LTBP2: variants seen among roughly 807,000 people sequenced by gnomAD.
LTBP2 encodes the protein latent transforming growth factor beta binding protein 2.
Under a neutral mutation model 210.6 loss-of-function variants are expected in LTBP2, and 103 were observed. The ratio of observed to expected loss-of-function variants is 0.49; its 90% CI spans 0.42 to 0.58. The LOEUF is 0.58. LTBP2 is among the 20% of genes least tolerant of loss of function. The pLI is 0.00. For missense variants in LTBP2, 2,313 were observed against 2,494.5 expected (o/e 0.93, Z 1.55); for synonymous variants, 1,007 against 1,015.0 (o/e 0.99, Z 0.15).
chr14:74,606,723 C>T (rs1254083605), intron 1 of LTBP2, among the ~76,000 whole-genome samples: 1 of 152,140 alleles, frequency 6.6e-6, no homozygotes, highest in Non-Finnish European at 1.5e-5. Context: ...CCTGTAGTCC[C>T]AGCTACTCAC....
chr14:74,499,877 G>A lies in LTBP2; in HGVS notation c.*1007C>T. On this transcript the variant is annotated 3_prime_UTR_variant, in exon 36 of 36. Coordinates refer to ENST00000261978, the MANE Select transcript of LTBP2 (RefSeq NM_000428.3). ...CATCGTTTTCTGAAGGGAAAGGGCA[G>A]GGGTTTCTGAGTGGAGGGGAAAAAC... The A allele has an allele frequency of 4.3e-6, 1 of 231,238 alleles. No homozygotes were observed. Among genetic ancestry groups the A allele is most frequent in the East Asian group, 6.1e-5 (1 of 16,338 alleles). The allele number at this position is 231,238 out of a possible 1,614,324, so 14.3% of individuals were successfully genotyped here.
At chr14:74,551,024 C>A in intron 7 of LTBP2, 40 bp downstream of exon 7, 1 of 1,612,690 alleles carries the variant, frequency 6.2e-7, no homozygotes. Flanking sequence ...AACTGCCATC[C>A]TGGAAGCATC....
At chr14:74,579,246 C>T (rs1333245253) in intron 3 of LTBP2, among the ~76,000 whole-genome samples, 1 of 152,222 alleles carries the variant, frequency 6.6e-6, no homozygotes, top group African/African-American at 2.4e-5. Flanking sequence ...CGCACCTTTG[C>T]CCCTAGGAAG....
Position 74,535,949 on chromosome 14 carries a change from C to T in LTBP2, c.1841G>A (p.Arg614Lys). 1 of 1,614,224 alleles carries T rather than the reference C, an allele frequency of 6.2e-7. No individual in the cohort carries two copies. Residue 614 changes from arginine (R) to lysine (K), a missense_variant, in exon 9 of 36, where the codon AGA becomes AAA. This residue lies in a region of LTBP2 where 1,867 missense variants were observed against 1,976.9 expected (regional missense o/e 0.94). Coordinates refer to ENST00000261978, the MANE Select transcript of LTBP2 (RefSeq NM_000428.3). ...GQLECPQGYK[R>K]LNLTHCQDIN... The stretch of plus-strand genomic sequence containing the variant: ...ACCTTGGCAGTGAGTGAGGTTCAGT[C>T]TCTTGTACCCCTGAGGACACTCCAG...
Position 74,503,227 on chromosome 14 carries a change from C to G in LTBP2, c.4880G>C (p.Arg1627Thr). 1 of 1,614,014 alleles carries G rather than the reference C, an allele frequency of 6.2e-7. No homozygotes were observed. The highest frequency in any genetic ancestry group is 1.7e-5 in the Admixed American group (1 of 60,032). ...CCTTTGCTCCCCCTCACCAGAGCTC[C>G]TCGGGGGACACAGAGCACACTGCTG... ...WSQQCALCPP[R>T]SSEVYAQLCN... is the part of the protein sequence containing the mutation. The change falls in exon 33 of 36, where the codon AGG becomes ACG. Residue 1627 changes from arginine to threonine, a missense_variant. This residue lies in a region of LTBP2 where 443 missense variants were observed against 501.4 expected (regional missense o/e 0.88). Transcript: ENST00000261978.
At chr14:74,536,388 AT>A (rs1287124162) in intron 8 of LTBP2, among the ~76,000 whole-genome samples, 1 of 152,186 alleles carries the variant, frequency 6.6e-6, no homozygotes, top group Non-Finnish European at 1.5e-5. Context: ...AGTTCAAAGG[AT>A]CTGTTGTACG....
chr14:74,592,388 G>A (rs2088294486), intron 2 of LTBP2, among the ~76,000 whole-genome samples: 1 of 152,214 alleles, frequency 6.6e-6, no homozygotes, highest in African/African-American at 2.4e-5. Flanking sequence ...AGATCCTAGA[G>A]GTGGGTGCGG....
At chr14:74,557,088 C>A (rs1349312006) in intron 3 of LTBP2, among the ~76,000 whole-genome samples, 1 of 151,952 alleles carries the variant, frequency 6.6e-6, no homozygotes, top group Admixed American at 6.6e-5. Flanking sequence ...ATGGTGAAAC[C>A]CCATCTCTAC....
At chr14:74,546,824 C>T (rs575395814) in intron 8 of LTBP2, among the ~76,000 whole-genome samples, 1 of 152,368 alleles carries the variant, frequency 6.6e-6, no homozygotes, top group African/African-American at 2.4e-5. Context: ...GCTCTCAAGG[C>T]TGGCACACAG....
chr14:74,551,656 C>T (rs1421084958), intron 6 of LTBP2, among the ~76,000 whole-genome samples: 2 of 152,170 alleles, frequency 1.3e-5, no homozygotes, highest in East Asian at 1.9e-4. Flanking sequence ...TGCATGGCCC[C>T]ACCTCCGTGC....
At chr14:74,520,650 A>C (rs1176499765) in intron 17 of LTBP2, among the ~76,000 whole-genome samples, 1 of 152,000 alleles carries the variant, frequency 6.6e-6, no homozygotes, top group African/African-American at 2.4e-5. Context: ...AAAATACAAA[A>C]ATTAGCCGAG....
At chr14:74,570,696 G>A (rs918008037) in intron 3 of LTBP2, among the ~76,000 whole-genome samples, 1 of 152,152 alleles carries the variant, frequency 6.6e-6, no homozygotes. Context: ...CCATTTTACA[G>A]AAGAGAAAAC....
At chr14:74,604,683 G>A (rs1486022013) in intron 1 of LTBP2, among the ~76,000 whole-genome samples, 1 of 151,976 alleles carries the variant, frequency 6.6e-6, no homozygotes, top group African/African-American at 2.4e-5. Flanking sequence ...TAGAGATGGG[G>A]TTTCACCATG....
In LTBP2 at chr14:74,532,509, G is replaced by A. The variant is rs553308964; in HGVS notation, c.1904C>T (p.Ala635Val). ...ECLTLGLCKD[A>V]ECVNTRGSYL... ...GCTGCCCCTGGTATTCACACACTCCGCGTCCTTGCACAGGCCCAGGGTCAA... is the reference window on the plus strand; with the variant it reads ...GCTGCCCCTGGTATTCACACACTCCACGTCCTTGCACAGGCCCAGGGTCAA... The change falls in exon 10 of 36, where the codon GCG (alanine) becomes GTG (valine). Residue 635 changes from alanine to valine, a missense_variant. Ala to Val is a moderately conservative substitution (Grantham distance 64). This residue lies in a region of LTBP2 where 1,867 missense variants were observed against 1,976.9 expected (regional missense o/e 0.94). Coordinates refer to ENST00000261978, the MANE Select transcript of LTBP2 (RefSeq NM_000428.3). The A allele has an allele frequency of 3.3e-5, 53 of 1,614,178 alleles. No individual in the cohort carries two copies. In the African/African-American group the frequency reaches 4.0e-4, roughly 12 times the overall value.
At chr14:74,581,874 A>G (rs1049571005) in intron 3 of LTBP2, among the ~76,000 whole-genome samples, 1 of 152,066 alleles carries the variant, frequency 6.6e-6, no homozygotes, top group African/African-American at 2.4e-5. Flanking sequence ...GAGGAGAGGG[A>G]GCGACCAGGC....
chr14:74,574,581 T>C (rs1281013067), intron 3 of LTBP2, among the ~76,000 whole-genome samples: 1 of 152,116 alleles, frequency 6.6e-6, no homozygotes, highest in Admixed American at 6.5e-5. Flanking sequence ...ATCCTACTGA[T>C]GATGAAGATG....
chr14:74,559,492 T>A (rs918385004), intron 3 of LTBP2, among the ~76,000 whole-genome samples: 2 of 152,154 alleles, frequency 1.3e-5, no homozygotes, highest in African/African-American at 4.8e-5. Flanking sequence ...CCTTTATAAG[T>A]CCCAGCCTAG....
Position 74,503,237 on chromosome 14 carries a change from A to G in LTBP2, c.4870T>C (p.Cys1624Arg). ...GEAWSQQCAL[C>R]PPRSSEVYAQ... ...CCCTCACCAGAGCTCCTCGGGGGAC[A>G]CAGAGCACACTGCTGGCTCCAGGCC... The change falls in exon 33 of 36, where the codon TGT becomes CGT. Residue 1624 changes from cysteine to arginine, a missense_variant. By Grantham distance (180) the Cys-to-Arg change is radical (BLOSUM62 -3). This residue lies in a region of LTBP2 where 443 missense variants were observed against 501.4 expected (regional missense o/e 0.88). Coordinates refer to ENST00000261978, the MANE Select transcript of LTBP2 (RefSeq NM_000428.3). The G allele has an allele frequency of 6.2e-7, 1 of 1,614,058 alleles. No individual in the cohort carries two copies. Among genetic ancestry groups the G allele is most frequent in the Non-Finnish European group, 8.5e-7 (1 of 1,180,040 alleles).
chr14:74,525,233 G>A lies in LTBP2; in HGVS notation c.2429-8C>T. ...GTGGGGTTGTGGCATTCCCTGTGGA[G>A]GAGAGAGGGGAAGAGGTGGGGTTGT... On this transcript the variant is annotated splice_region_variant and splice_polypyrimidine_tract_variant and intron_variant, in intron 14 of 35. Coordinates refer to ENST00000261978, the MANE Select transcript of LTBP2 (RefSeq NM_000428.3). 2 of 1,310,848 alleles carry A rather than the reference G, an allele frequency of 1.5e-6. No homozygotes were observed. The highest frequency in any genetic ancestry group is 2.8e-5 in the East Asian group (1 of 35,730). 81.2% of individuals were successfully genotyped at this position (1,310,848 alleles called of 1,614,324 possible). A position where few individuals can be genotyped will look rare whatever the true frequency, so the allele number is the denominator to read the frequency against.
Sources: gnomAD v4.1 joint callset for allele counts (sites outside exome capture counted in the v4.1 genomes callset) on GRCh38, gnomAD v4.1.1 for gene constraint, gnomAD v4.1.1 regional missense constraint, MANE v1.5 for transcripts, NCBI Gene and HGNC (gene_info 2026-07-23, HGNC 2026-07-21) for gene names.